CDH12: variants seen among roughly 807,000 people sequenced by gnomAD.
CDH12 encodes cadherin-12.
A neutral mutation model predicts 74.1 loss-of-function variants in CDH12; 41 were observed. The observed-to-expected ratio is 0.55, with a 90% CI of 0.43 to 0.72. The LOEUF (loss-of-function observed/expected upper bound fraction) is 0.72, where lower values mean the gene tolerates loss of function less well. CDH12 is among the 30% of genes least tolerant of loss of function. The probability of loss-of-function intolerance (pLI) is 0.00; values close to 1 mark genes in which losing one functional copy is unlikely to be tolerated. For missense variants in CDH12, 945 were observed against 977.2 expected (o/e 0.97, Z 0.44); for synonymous variants, 399 against 355.0 (o/e 1.12, Z -1.39).
chr5:21,758,115 T>C (rs540957175), intron 13 of CDH12, among the ~76,000 whole-genome samples: 25 of 152,314 alleles, frequency 1.6e-4, no homozygotes, highest in African/African-American at 5.8e-4. Context: ...AAATGGCTTC[T>C]GGATAGGGTC....
At chr5:22,596,645 C>G (rs561185587) in intron 1 of CDH12, among the ~76,000 whole-genome samples, 2 of 152,272 alleles carry the variant, frequency 1.3e-5, no homozygotes, top group Admixed American at 6.5e-5. Flanking sequence ...GATTCATTGC[C>G]TCACTGACTT....
chr5:21,780,010 T>C (rs1455354709), intron 11 of CDH12, among the ~76,000 whole-genome samples: 2 of 152,194 alleles, frequency 1.3e-5, no homozygotes, highest in Non-Finnish European at 2.9e-5. Flanking sequence ...ATCTTTACAT[T>C]GGCCACTGAG....
intron 5 of CDH12, among the ~76,000 whole-genome samples, chr5:21,997,421 T>C (rs1490040349): frequency 6.6e-6 from 1 of 152,118 alleles, no homozygotes; most frequent in Non-Finnish European, 1.5e-5. Context: ...GGCATAAAAT[T>C]TTATGAAATT....
At chr5:22,311,137 G>A (rs891835730) in intron 3 of CDH12, among the ~76,000 whole-genome samples, 6 of 152,124 alleles carry the variant, frequency 3.9e-5, no homozygotes, top group African/African-American at 1.4e-4. Flanking sequence ...AAAGGGAAGA[G>A]GTAACTTTCA....
intron 2 of CDH12, among the ~76,000 whole-genome samples, chr5:22,457,653 A>G (rs1200416956): frequency 2.0e-5 from 3 of 149,402 alleles, no homozygotes; most frequent in African/African-American, 7.4e-5. Context: ...ATCTTGGCTC[A>G]TTGCAGCCTC....
At chr5:21,761,367 A>G (rs1006159389) in intron 12 of CDH12, among the ~76,000 whole-genome samples, 22 of 152,158 alleles carry the variant, frequency 1.4e-4, no homozygotes, top group African/African-American at 5.3e-4. Flanking sequence ...AACCTGTGAA[A>G]TTTACAATCC....
chr5:22,205,618 G>A (rs941031458), intron 4 of CDH12, among the ~76,000 whole-genome samples: 1 of 152,138 alleles, frequency 6.6e-6, no homozygotes, highest in Non-Finnish European at 1.5e-5. Context: ...ATAAAGAAGA[G>A]AGATGAAATC....
chr5:21,875,127 G>C (rs1030018461), intron 6 of CDH12, among the ~76,000 whole-genome samples: 6 of 152,304 alleles, frequency 3.9e-5, no homozygotes, highest in African/African-American at 1.2e-4. Flanking sequence ...TACACCATTG[G>C]TGGGCATGTA....
At chr5:22,354,502 G>A (rs1195925310) in intron 3 of CDH12, among the ~76,000 whole-genome samples, 1 of 152,190 alleles carries the variant, frequency 6.6e-6, no homozygotes, top group Non-Finnish European at 1.5e-5. Context: ...ACTCCTAATA[G>A]CAGGGCAGAC....
At chr5:22,043,043 C>CA (rs1172483141) in intron 5 of CDH12, among the ~76,000 whole-genome samples, 4 of 152,114 alleles carry the variant, frequency 2.6e-5, no homozygotes, top group Non-Finnish European at 5.9e-5. Context: ...AAATTATTCT[C>CA]AAACTTTTTT....
At chr5:22,075,317 G>T (rs913279179) in intron 5 of CDH12, among the ~76,000 whole-genome samples, 3 of 128,750 alleles carry the variant, frequency 2.3e-5, no homozygotes, top group East Asian at 2.7e-4. Flanking sequence ...GTTGTGGGGT[G>T]GGGGGAGGGG....
intron 5 of CDH12, among the ~76,000 whole-genome samples, chr5:21,994,776 C>A (rs1736171626): frequency 6.6e-6 from 1 of 152,122 alleles, no homozygotes; most frequent in African/African-American, 2.4e-5. Context: ...TGTAAACACA[C>A]CAATCAGCGT....
intron 3 of CDH12, among the ~76,000 whole-genome samples, chr5:22,260,286 G>A (rs541703600): frequency 1.3e-5 from 2 of 152,114 alleles, no homozygotes; most frequent in South Asian, 2.1e-4. Context: ...TTGAGAATGT[G>A]GGTTGAACCA....
intron 1 of CDH12, among the ~76,000 whole-genome samples, chr5:22,809,327 G>T (rs1749001662): frequency 6.6e-6 from 1 of 151,742 alleles, no homozygotes; most frequent in African/African-American, 2.4e-5. Context: ...TTTTACTTAT[G>T]AATATAGAAT....
chr5:21,787,652 A>G lies in CDH12; in HGVS notation c.1257-4158T>C, dbSNP rs189270601. ...TTGATTTCTGAACCAGAAGATGCTTAATATTTATTAGAATAAAGTATGAGC... is the reference window on the plus strand; with the variant it reads ...TTGATTTCTGAACCAGAAGATGCTTGATATTTATTAGAATAAAGTATGAGC... On this transcript the variant is annotated intron_variant, in intron 10 of 14. Coordinates refer to ENST00000382254, the MANE Select transcript of CDH12 (RefSeq NM_004061.5). 2.4e-3 allele frequency among the ~76,000 whole-genome samples: 372 copies of G among 152,272 alleles called. 3 individuals are homozygous for G. Among genetic ancestry groups the G allele is most frequent in the African/African-American group, 8.6e-3 (359 of 41,562 alleles).
chr5:22,310,154 A>T (rs952083656), intron 3 of CDH12, among the ~76,000 whole-genome samples: 34 of 151,848 alleles, frequency 2.2e-4, no homozygotes, highest in Non-Finnish European at 4.3e-4. Context: ...TATAATAAAA[A>T]ACAACAATAA....
chr5:22,045,955 C>T (rs1739920988), intron 5 of CDH12, among the ~76,000 whole-genome samples: 1 of 152,174 alleles, frequency 6.6e-6, no homozygotes, highest in East Asian at 1.9e-4. Context: ...TTTCTCTACT[C>T]TGATTTGATC....
At chr5:22,376,192 G>A (rs887048950) in intron 3 of CDH12, among the ~76,000 whole-genome samples, 1 of 152,162 alleles carries the variant, frequency 6.6e-6, no homozygotes, top group Non-Finnish European at 1.5e-5. Flanking sequence ...AGTGAGAAAA[G>A]CTAGGCACAG....
chr5:22,263,959 C>T (rs550951392), intron 3 of CDH12, among the ~76,000 whole-genome samples: 3 of 151,872 alleles, frequency 2.0e-5, no homozygotes, highest in East Asian at 1.9e-4. Context: ...TTTTAATTTG[C>T]CATTTGCTAA....
Sources: gnomAD v4.1 joint callset for allele counts (sites outside exome capture counted in the v4.1 genomes callset) on GRCh38, gnomAD v4.1.1 for gene constraint, MANE v1.5 for transcripts, NCBI Gene and HGNC (gene_info 2026-07-23, HGNC 2026-07-21) for gene names.